Variants in TBC1D4 observed in about 807,000 individuals in gnomAD.
TBC1D4 encodes the protein TBC1 domain family member 4.
In TBC1D4, 121 loss-of-function variants were observed where a neutral mutation model predicts 142.5. That is an observed-to-expected ratio of 0.85 (90% CI 0.73 to 0.99). The LOEUF is 0.99. TBC1D4 is among the 50% of genes least tolerant of loss of function. The probability of loss-of-function intolerance (pLI) is 0.00; values close to 1 mark genes in which losing one functional copy is unlikely to be tolerated. For synonymous variants in TBC1D4, 630 were observed against 628.2 expected (o/e 1.00, Z -0.04); for missense variants, 1,475 against 1,606.6 (o/e 0.92, Z 1.40).
chr13:75,302,398 A>T lies in TBC1D4; in HGVS notation c.2756T>A (p.Val919Asp), dbSNP rs1395835973. The T allele has an allele frequency of 6.2e-7, 1 of 1,613,934 alleles. No individual in the cohort carries two copies. The highest frequency in any genetic ancestry group is 1.3e-5 in the African/African-American group (1 of 74,894). Residue 919 changes from valine (V) to aspartate (D), a missense_variant, in exon 16 of 21, where the codon GTT becomes GAT. By Grantham distance (152) the Val-to-Asp change is radical. This residue lies in a region of TBC1D4 where 1,227 missense variants were observed against 1,267.7 expected (regional missense o/e 0.97). Transcript: ENST00000377636. Reference sequence around the variant, plus strand: ...AATTTCTCCTCGTCGACTTTTGGGAACTCCTACAATGAAGGAGATAAATAA... The same window carrying T: ...AATTTCTCCTCGTCGACTTTTGGGATCTCCTACAATGAAGGAGATAAATAA... The part of the protein sequence containing the change: ...EDIHTLLKEG[V>D]PKSRRGEIWQ...
At chr13:75,345,370 T>C (rs1881062845) in intron 5 of TBC1D4, among the ~76,000 whole-genome samples, 1 of 152,180 alleles carries the variant, frequency 6.6e-6, no homozygotes, top group South Asian at 2.1e-4. Context: ...ACTGCTATCT[T>C]TACTCAACAT....
intron 1 of TBC1D4, among the ~76,000 whole-genome samples, chr13:75,449,903 T>C (rs1415747401): frequency 2.0e-5 from 3 of 152,106 alleles, no homozygotes; most frequent in African/African-American, 4.8e-5. Flanking sequence ...ATAGTTTTAA[T>C]GTGTATTTTT....
intron 1 of TBC1D4, among the ~76,000 whole-genome samples, chr13:75,416,783 T>C (rs1885937488): frequency 6.6e-6 from 1 of 152,148 alleles, no homozygotes; most frequent in Non-Finnish European, 1.5e-5. Flanking sequence ...ATGGGCTCCA[T>C]TCAAAGGGAA....
At chr13:75,462,697 T>TATAA (rs1173861572) in intron 1 of TBC1D4, among the ~76,000 whole-genome samples, 1 of 152,144 alleles carries the variant, frequency 6.6e-6, no homozygotes. Flanking sequence ...CCCAAATGAC[T>TATAA]ATAAATAAAG....
At chr13:75,331,491 C>A (rs1458289155) in intron 8 of TBC1D4, among the ~76,000 whole-genome samples, 1 of 151,882 alleles carries the variant, frequency 6.6e-6, no homozygotes, top group African/African-American at 2.4e-5. Context: ...CAGAGCAAGA[C>A]CCTATCTCAA....
In TBC1D4 at chr13:75,481,310, T is replaced by C; in HGVS notation, c.458A>G (p.Gln153Arg). 2 of 1,610,394 alleles carry C rather than the reference T, an allele frequency of 1.2e-6. No homozygotes were observed. Among genetic ancestry groups the C allele is most frequent in the Non-Finnish European group, 1.7e-6 (2 of 1,177,504 alleles). Residue 153 changes from glutamine to arginine, a missense_variant, in exon 1 of 21, where the codon CAG becomes CGG. Transcript: ENST00000377636. ...GGCGCGGAAAACGTGGCAGGCCATC[T>C]GCGACTCGGGGTCGTCGGGCTGCGC... ...IKAQPDDPESQMACHVFRATD... is the reference protein window; with the variant it reads ...IKAQPDDPESRMACHVFRATD...
At chr13:75,474,565 A>G (rs1010197900) in intron 1 of TBC1D4, among the ~76,000 whole-genome samples, 12 of 152,126 alleles carry the variant, frequency 7.9e-5, no homozygotes, top group African/African-American at 2.7e-4. Flanking sequence ...TCTCAAAAAG[A>G]AAAGAAAACA....
In TBC1D4 at chr13:75,402,212, T is replaced by C. The variant is rs555093590; in HGVS notation, c.499-39605A>G. Among the ~76,000 whole-genome samples, 5 of 152,310 alleles carry C rather than the reference T, an allele frequency of 3.3e-5. No homozygotes were observed. The East Asian group carries it at 9.6e-4, about 29-fold the overall frequency. On this transcript the variant is annotated intron_variant, in intron 1 of 20. Coordinates refer to ENST00000377636, the MANE Select transcript of TBC1D4 (RefSeq NM_014832.5). The stretch of plus-strand genomic sequence containing the variant: ...ACTGCCAAGCTTTTAAAAACATCTT[T>C]ATATTAAAATACATAAGATATATTA...
chr13:75,325,220 A>G (rs1879123599), intron 10 of TBC1D4, among the ~76,000 whole-genome samples: 1 of 152,150 alleles, frequency 6.6e-6, no homozygotes, highest in Non-Finnish European at 1.5e-5. Context: ...AATATCCTTT[A>G]CACACACAGC....
At chr13:75,352,400 T>C (rs1006278767) in intron 4 of TBC1D4, among the ~76,000 whole-genome samples, 1 of 152,134 alleles carries the variant, frequency 6.6e-6, no homozygotes, top group African/African-American at 2.4e-5. Flanking sequence ...TCTTTTTTTT[T>C]CCTTTTGGTT....
chr13:75,447,981 G>A (rs1887363817), intron 1 of TBC1D4, among the ~76,000 whole-genome samples: 1 of 151,954 alleles, frequency 6.6e-6, no homozygotes, highest in South Asian at 2.1e-4. Flanking sequence ...ATATTAAAAT[G>A]TAATAATAAT....
intron 13 of TBC1D4, among the ~76,000 whole-genome samples, chr13:75,311,593 T>A (rs938912197): frequency 6.6e-6 from 1 of 152,194 alleles, no homozygotes; most frequent in African/African-American, 2.4e-5. Context: ...AATATATTCA[T>A]GGCTTTTAAC....
Position 75,302,338 on chromosome 13 carries a change from T to G in TBC1D4, c.2816A>C (p.His939Pro), listed in dbSNP as rs1876662374. The G allele has an allele frequency of 6.2e-7, 1 of 1,614,120 alleles. No individual in the cohort carries two copies. The highest frequency in any genetic ancestry group is 1.3e-5 in the African/African-American group (1 of 74,944). Residue 939 changes from histidine to proline, a missense_variant, in exon 16 of 21, where the codon CAC becomes CCC. Coordinates refer to ENST00000377636, the MANE Select transcript of TBC1D4 (RefSeq NM_014832.5). ...AGGCTGTTGTTTATTAGGCAATCTGTGTCTGAGTCGGTACTGTAAAGCCAG... is the reference window on the plus strand; with the variant it reads ...AGGCTGTTGTTTATTAGGCAATCTGGGTCTGAGTCGGTACTGTAAAGCCAG... ...QFLALQYRLRHRLPNKQQPPD... is the reference protein window; with the variant it reads ...QFLALQYRLRPRLPNKQQPPD...
Position 75,348,952 on chromosome 13 carries a change from AGAGTGTGTGT to A in TBC1D4, c.1408+208_1408+217del, listed in dbSNP as rs1166661010. Among the ~76,000 whole-genome samples, 642 of 120,052 alleles carry A rather than the reference AGAGTGTGTGT, an allele frequency of 5.3e-3. 8 individuals are homozygous for A. The highest frequency in any genetic ancestry group is 0.021 in the African/African-American group (623 of 29,834). The allele number at this position is 120,052 out of a possible 152,430, so 78.8% of individuals were successfully genotyped here. A position where few individuals can be genotyped will look rare whatever the true frequency, so the allele number is the denominator to read the frequency against. ...GAGGAGAGAGAGTAGAGAGAGAGAG[AGAGTGTGTGT>A]GTGTGTGTGTGTGTGTGTGTGTGTG... On this transcript the variant is annotated intron_variant, in intron 5 of 20. Transcript: ENST00000377636.
intron 1 of TBC1D4, among the ~76,000 whole-genome samples, chr13:75,378,265 C>G (rs188052431): frequency 6.6e-6 from 1 of 152,096 alleles, no homozygotes; most frequent in East Asian, 1.9e-4. Flanking sequence ...ATATTAATAG[C>G]TAGAAACTTT....
At chr13:75,353,332 C>T (rs1593777695) in intron 4 of TBC1D4, among the ~76,000 whole-genome samples, 1 of 152,180 alleles carries the variant, frequency 6.6e-6, no homozygotes, top group Admixed American at 6.5e-5. Context: ...AGTGCAAGTT[C>T]TCCAGTGATC....
chr13:75,424,549 C>T (rs1031778889), intron 1 of TBC1D4, among the ~76,000 whole-genome samples: 4 of 151,690 alleles, frequency 2.6e-5, no homozygotes, highest in Non-Finnish European at 4.4e-5. Context: ...AGACCCAGAA[C>T]GACCAAAGCA....
At chr13:75,295,679 T>C (rs1000455475) in intron 17 of TBC1D4, among the ~76,000 whole-genome samples, 3 of 152,214 alleles carry the variant, frequency 2.0e-5, no homozygotes, top group Admixed American at 6.5e-5. Flanking sequence ...GAGTTGGTTA[T>C]TGGCATTTCA....
chr13:75,450,652 T>C (rs1887496673), intron 1 of TBC1D4, among the ~76,000 whole-genome samples: 1 of 152,196 alleles, frequency 6.6e-6, no homozygotes, highest in Non-Finnish European at 1.5e-5. Flanking sequence ...CCTAAGTGTC[T>C]GGAGTTTGTA....
Sources: gnomAD v4.1 joint callset for allele counts (sites outside exome capture counted in the v4.1 genomes callset) on GRCh38, gnomAD v4.1.1 for gene constraint, gnomAD v4.1.1 regional missense constraint, MANE v1.5 for transcripts, NCBI Gene and HGNC (gene_info 2026-07-23, HGNC 2026-07-21) for gene names.